The following CDH13 variants were observed in gnomAD, a reference collection of about 807,000 sequenced individuals.
CDH13 encodes cadherin 13.
In CDH13, 24 loss-of-function variants were observed where a neutral mutation model predicts 63.8. The observed-to-expected ratio is 0.38, with a 90% CI of 0.27 to 0.53. The LOEUF is 0.53. Among genes scored for constraint, CDH13 ranks in the 20% least tolerant of loss-of-function variants. CDH13 has a pLI of 0.85. For missense variants in CDH13, 1,049 were observed against 903.1 expected (o/e 1.16, Z -2.07); for synonymous variants, 503 against 355.3 (o/e 1.42, Z -4.67).
chr16:83,292,760 A>C (rs1238792919), intron 5 of CDH13, among the ~76,000 whole-genome samples: 4 of 152,208 alleles, frequency 2.6e-5, no homozygotes, highest in Non-Finnish European at 2.9e-5. Context: ...TATGTTCAGA[A>C]AATCAGTGTT....
intron 2 of CDH13, among the ~76,000 whole-genome samples, chr16:82,947,621 CTT>C (rs1228430720): frequency 2.6e-5 from 4 of 152,022 alleles, no homozygotes; most frequent in Middle Eastern, 3.2e-3. Flanking sequence ...AAGGAGGAAA[CTT>C]AACAAATTTA....
At chr16:83,246,079 A>C (rs917292020) in intron 5 of CDH13, among the ~76,000 whole-genome samples, 2 of 152,158 alleles carry the variant, frequency 1.3e-5, no homozygotes, top group Non-Finnish European at 2.9e-5. Flanking sequence ...TTTTGTCCCA[A>C]CCAGAATTAG....
chr16:83,513,393 C>T lies in CDH13; in HGVS notation c.960+26738C>T, dbSNP rs555167171. Among the ~76,000 whole-genome samples the T allele has an allele frequency of 3.3e-5, 5 of 149,708 alleles. No homozygotes were observed. In the East Asian group the frequency reaches 9.7e-4, roughly 29 times the overall value. ...CAATGGTGATCGTGGGCCTGGAAAACTTCTCCAAAAAGTGCAAACTTCTCC... is the reference window on the plus strand; with the variant it reads ...CAATGGTGATCGTGGGCCTGGAAAATTTCTCCAAAAAGTGCAAACTTCTCC... On this transcript the variant is annotated intron_variant, in intron 7 of 13. Coordinates refer to ENST00000567109, the MANE Select transcript of CDH13 (RefSeq NM_001257.5).
intron 4 of CDH13, among the ~76,000 whole-genome samples, chr16:83,199,932 C>T (rs1052471510): frequency 3.9e-5 from 6 of 152,202 alleles, no homozygotes; most frequent in Middle Eastern, 3.4e-3. Flanking sequence ...CACTGCACCA[C>T]GGGGGCAGGA....
chr16:83,623,428 G>A (rs551235492), intron 8 of CDH13, among the ~76,000 whole-genome samples: 1 of 152,256 alleles, frequency 6.6e-6, no homozygotes, highest in Admixed American at 6.5e-5. Flanking sequence ...CGTCTTCTGG[G>A]CAGCCCCTCT....
At chr16:83,512,090 G>A (rs575324807) in intron 7 of CDH13, among the ~76,000 whole-genome samples, 1 of 152,026 alleles carries the variant, frequency 6.6e-6, no homozygotes, top group South Asian at 2.1e-4. Flanking sequence ...GGGAGGCCGA[G>A]GCGGGCGGAT....
At position 83,282,229 on chromosome 16, in the gene CDH13, T is replaced by G. The variant is rs768875194; in HGVS notation, c.637-62633T>G. On this transcript the variant is annotated intron_variant, in intron 5 of 13. Transcript: ENST00000567109. ...ATACAATAGTAACATCAAAGATCAC[T>G]GATCTCAGATCATCATAAGAGACAT... Among the ~76,000 whole-genome samples the G allele has an allele frequency of 2.0e-5, 3 of 152,210 alleles. 1 individual carries two copies. Among genetic ancestry groups the G allele is most frequent in the African/African-American group, 4.8e-5 (2 of 41,448 alleles).
At chr16:83,581,617 A>T (rs1243589172) in intron 7 of CDH13, among the ~76,000 whole-genome samples, 1 of 152,156 alleles carries the variant, frequency 6.6e-6, no homozygotes, top group Admixed American at 6.5e-5. Context: ...CACGAGTTTG[A>T]GACCAGCCTA....
At chr16:83,256,245 C>T (rs983166707) in intron 5 of CDH13, among the ~76,000 whole-genome samples, 1 of 152,046 alleles carries the variant, frequency 6.6e-6, no homozygotes, top group African/African-American at 2.4e-5. Flanking sequence ...GTTGCCCAGG[C>T]TGGTCTGAAG....
chr16:83,107,008 T>C (rs565062080), intron 3 of CDH13, among the ~76,000 whole-genome samples: 3 of 152,202 alleles, frequency 2.0e-5, no homozygotes, highest in South Asian at 4.1e-4. Flanking sequence ...CTCAAGTGCA[T>C]GCACACCCCA....
chr16:83,083,468 C>G (rs1285234595), intron 3 of CDH13, among the ~76,000 whole-genome samples: 1 of 152,120 alleles, frequency 6.6e-6, no homozygotes, highest in African/African-American at 2.4e-5. Flanking sequence ...AATCCTTGCC[C>G]CCATGTTATG....
At chr16:83,306,796 C>T (rs367736792) in intron 5 of CDH13, among the ~76,000 whole-genome samples, 2 of 152,012 alleles carry the variant, frequency 1.3e-5, no homozygotes, top group Non-Finnish European at 2.9e-5. Flanking sequence ...TGGGAACCCA[C>T]CAAAATATTT....
intron 7 of CDH13, among the ~76,000 whole-genome samples, chr16:83,565,032 T>C (rs949200804): frequency 6.6e-6 from 1 of 152,236 alleles, no homozygotes; most frequent in Non-Finnish European, 1.5e-5. Flanking sequence ...CTTCTCATTT[T>C]ATCTCTTGCT....
intron 6 of CDH13, among the ~76,000 whole-genome samples, chr16:83,388,682 A>G (rs2091726724): frequency 6.6e-6 from 1 of 152,092 alleles, no homozygotes; most frequent in Admixed American, 6.5e-5. Context: ...GATTGTCTCC[A>G]TTGTAAAGCC....
chr16:82,661,699 C>G (rs1056884599), intron 1 of CDH13, among the ~76,000 whole-genome samples: 1 of 152,184 alleles, frequency 6.6e-6, no homozygotes, highest in Non-Finnish European at 1.5e-5. Flanking sequence ...GTCTTTTATT[C>G]CATCAGAAAT....
At chr16:82,960,984 A>C (rs1354081508) in intron 2 of CDH13, among the ~76,000 whole-genome samples, 2 of 152,318 alleles carry the variant, frequency 1.3e-5, no homozygotes, top group African/African-American at 4.8e-5. Context: ...GGAATGTTCC[A>C]CATTGGGTTC....
chr16:83,200,251 C>T lies in CDH13; in HGVS notation c.484-17094C>T, dbSNP rs887237377. On this transcript the variant is annotated intron_variant, in intron 4 of 13. Transcript: ENST00000567109. The stretch of plus-strand genomic sequence containing the variant: ...GTCCATCACCAGATGAGCTTAGCAC[C>T]GTCGGCCAAGTTTTCAACCCCAGGA... Among the ~76,000 whole-genome samples the T allele has an allele frequency of 1.2e-4, 18 of 152,122 alleles. 1 individual carries two copies. The highest frequency in any genetic ancestry group is 3.6e-4 in the African/African-American group (15 of 41,426).
intron 12 of CDH13, among the ~76,000 whole-genome samples, chr16:83,782,217 C>T (rs1206314038): frequency 6.6e-6 from 1 of 152,038 alleles, no homozygotes; most frequent in Non-Finnish European, 1.5e-5. Flanking sequence ...GAAAGGGGCA[C>T]TTAAAAATAC....
At chr16:83,239,576 A>G (rs552034088) in intron 5 of CDH13, among the ~76,000 whole-genome samples, 8 of 152,318 alleles carry the variant, frequency 5.3e-5, no homozygotes, top group African/African-American at 1.7e-4. Context: ...CACAGCACAC[A>G]AAGAAAATAG....
Sources: gnomAD v4.1 joint callset for allele counts (sites outside exome capture counted in the v4.1 genomes callset) on GRCh38, gnomAD v4.1.1 for gene constraint, MANE v1.5 for transcripts, NCBI Gene and HGNC (gene_info 2026-07-23, HGNC 2026-07-21) for gene names.